The following PRKG1 variants were observed in gnomAD, a reference collection of about 807,000 sequenced individuals.
PRKG1 encodes cGMP-dependent protein kinase 1.
PRKG1 carries 35 observed loss-of-function variants against 88.1 expected under a neutral mutation model. The observed-to-expected ratio is 0.40, with a 90% CI of 0.30 to 0.53. PRKG1 has a LOEUF of 0.53. Among genes scored for constraint, PRKG1 ranks in the 20% least tolerant of loss-of-function variants. The pLI is 0.59. For synonymous variants in PRKG1, 303 were observed against 292.5 expected (o/e 1.04, Z -0.37); for missense variants, 540 against 839.8 (o/e 0.64, Z 4.41).
chr10:51,562,144 A>G (rs973026256), intron 3 of PRKG1, among the ~76,000 whole-genome samples: 2 of 151,730 alleles, frequency 1.3e-5, no homozygotes, highest in African/African-American at 4.8e-5. Context: ...GAATCGCTTG[A>G]GCCCAGGAGG....
chr10:51,974,719 G>A (rs190481275), intron 5 of PRKG1, among the ~76,000 whole-genome samples: 44 of 151,968 alleles, frequency 2.9e-4, no homozygotes, highest in African/African-American at 9.2e-4. Flanking sequence ...TCTGACTTCC[G>A]CATTTGCATA....
At chr10:51,771,135 G>A (rs562415295) in intron 3 of PRKG1, among the ~76,000 whole-genome samples, 1 of 152,204 alleles carries the variant, frequency 6.6e-6, no homozygotes, top group East Asian at 1.9e-4. Flanking sequence ...TGCGAGTTTA[G>A]CTGCAATGAA....
intron 3 of PRKG1, among the ~76,000 whole-genome samples, chr10:51,688,994 C>G (rs527322778): frequency 6.6e-6 from 1 of 152,196 alleles, no homozygotes; most frequent in East Asian, 1.9e-4. Context: ...TTCATGAGAT[C>G]TGATGGCTTT....
At chr10:51,991,402 T>C (rs935166871) in intron 5 of PRKG1, among the ~76,000 whole-genome samples, 1 of 152,128 alleles carries the variant, frequency 6.6e-6, no homozygotes, top group Non-Finnish European at 1.5e-5. Flanking sequence ...TAAATATACT[T>C]TAAGTTCTAG....
chr10:52,175,646 C>T (rs1230066496), intron 9 of PRKG1, among the ~76,000 whole-genome samples: 1 of 152,114 alleles, frequency 6.6e-6, no homozygotes, highest in Non-Finnish European at 1.5e-5. Flanking sequence ...TCTGTATCCT[C>T]ACAACCATTT....
intron 2 of PRKG1, among the ~76,000 whole-genome samples, chr10:51,172,169 A>C (rs1011915147): frequency 6.6e-6 from 1 of 152,058 alleles, no homozygotes; most frequent in South Asian, 2.1e-4. Flanking sequence ...AGTCACTTTC[A>C]TATAATAAAA....
intron 5 of PRKG1, among the ~76,000 whole-genome samples, chr10:52,034,873 AC>A (rs1302693103): frequency 1.3e-5 from 2 of 152,194 alleles, no homozygotes; most frequent in African/African-American, 4.8e-5. Flanking sequence ...AATGCGCTGT[AC>A]CCTGCAGCAT....
chr10:51,165,573 A>G (rs887752656), intron 2 of PRKG1, among the ~76,000 whole-genome samples: 43 of 152,230 alleles, frequency 2.8e-4, no homozygotes, highest in Middle Eastern at 3.4e-3. Flanking sequence ...AATGGACTAA[A>G]TGCTCCAATT....
intron 4 of PRKG1, among the ~76,000 whole-genome samples, chr10:51,904,212 C>T (rs898629127): frequency 1.3e-5 from 2 of 152,004 alleles, no homozygotes; most frequent in African/African-American, 4.8e-5. Flanking sequence ...TCATAATTAG[C>T]ATGTAAATTG....
At chr10:51,631,045 C>T (rs780749787) in intron 3 of PRKG1, among the ~76,000 whole-genome samples, 48 of 152,248 alleles carry the variant, frequency 3.2e-4, no homozygotes, top group Non-Finnish European at 5.0e-4. Context: ...ATGGCTTCTT[C>T]GTTGGATAGC....
chr10:51,949,792 C>T (rs188320076), intron 5 of PRKG1, among the ~76,000 whole-genome samples: 106 of 152,236 alleles, frequency 7.0e-4, no homozygotes, highest in Middle Eastern at 6.8e-3. Context: ...ACATGAATAG[C>T]CTCATTTTAC....
chr10:51,770,543 C>T (rs939472517), intron 3 of PRKG1, among the ~76,000 whole-genome samples: 9 of 152,288 alleles, frequency 5.9e-5, no homozygotes, highest in East Asian at 3.9e-4. Flanking sequence ...TCTTAGGAAC[C>T]GGACTGCACA....
intron 5 of PRKG1, among the ~76,000 whole-genome samples, chr10:51,973,890 G>A (rs541386867): frequency 1.3e-5 from 2 of 152,236 alleles, no homozygotes; most frequent in South Asian, 4.1e-4. Context: ...TGGCCCAGGA[G>A]CTAAGAAGGA....
intron 3 of PRKG1, among the ~76,000 whole-genome samples, chr10:51,694,352 G>A (rs1205505133): frequency 2.0e-5 from 3 of 152,036 alleles, no homozygotes; most frequent in Non-Finnish European, 2.9e-5. Flanking sequence ...CCGTGATTAC[G>A]TTAACGGTTT....
At chr10:51,085,508 C>T (rs1844225591) in intron 1 of PRKG1, among the ~76,000 whole-genome samples, 1 of 151,910 alleles carries the variant, frequency 6.6e-6, no homozygotes, top group African/African-American at 2.4e-5. Context: ...GAATCATAGT[C>T]TTCATTCTCG....
chr10:51,708,234 T>A (rs1040535503), intron 3 of PRKG1, among the ~76,000 whole-genome samples: 1 of 152,194 alleles, frequency 6.6e-6, no homozygotes, highest in African/African-American at 2.4e-5. Flanking sequence ...ACCTGCTGTG[T>A]GCATGCACTC....
At chr10:52,124,315 T>G (rs1366806339) in intron 7 of PRKG1, among the ~76,000 whole-genome samples, 1 of 152,218 alleles carries the variant, frequency 6.6e-6, no homozygotes, top group Non-Finnish European at 1.5e-5. Flanking sequence ...TGGTATAGCC[T>G]ATTGCTCCTA....
chr10:51,079,804 G>A (rs1336047538), intron 1 of PRKG1, among the ~76,000 whole-genome samples: 3 of 152,042 alleles, frequency 2.0e-5, no homozygotes, highest in Admixed American at 6.5e-5. Context: ...GTTAATAGTC[G>A]TAACTATATA....
At chr10:51,409,378 C>T (rs1168022981) in intron 2 of PRKG1, among the ~76,000 whole-genome samples, 4 of 152,122 alleles carry the variant, frequency 2.6e-5, no homozygotes, top group East Asian at 3.9e-4. Context: ...AGGACCTGCT[C>T]GAGCCTGATC....
Sources: allele counts gnomAD v4.1 joint callset (sites outside exome capture counted in the v4.1 genomes callset), GRCh38; gene constraint gnomAD v4.1.1; transcripts MANE v1.5; gene names NCBI Gene and HGNC (gene_info 2026-07-23, HGNC 2026-07-21).